The following GCNT4 variants were observed in gnomAD, a reference collection of about 807,000 sequenced individuals.
GCNT4 encodes beta-1,3-galactosyl-O-glycosyl-glycoprotein beta-1,6-N-acetylglucosaminyltransferase 4.
GCNT4 carries 17 observed loss-of-function variants against 31.3 expected under a neutral mutation model. The observed-to-expected ratio is 0.54, with a 90% CI of 0.37 to 0.81. The LOEUF is 0.81. Ranked by LOEUF, GCNT4 falls within the 40% of genes least tolerant of loss-of-function variation. The pLI is 0.00. For missense variants in GCNT4, 503 were observed against 525.5 expected, an observed-to-expected ratio of 0.96 and a Z score of 0.42; for synonymous variants, 158 against 190.6, an observed-to-expected ratio of 0.83 and a Z score of 1.41.
At chr5:75,042,802 A>T (rs1225907104) in intron 3 of GCNT4, among the ~76,000 whole-genome samples, 4 of 152,220 alleles carry the variant, frequency 2.6e-5, no homozygotes, top group Non-Finnish European at 5.9e-5. Flanking sequence ...AGCTCTTGGC[A>T]TGACTTCACC....
chr5:75,025,591 A>C lies in GCNT4; in HGVS notation c.*3085T>G, dbSNP rs887939704. ...TTTATAATAACATACATATGAATAC[A>C]TTCACTTACACTCACAAAGTGGATT... is the stretch of plus-strand genomic sequence containing the variant. On this transcript the variant is annotated 3_prime_UTR_variant, in exon 4 of 4. Transcript: ENST00000652361. The C allele has an allele frequency of 2.0e-5, 3 of 152,234 alleles. No homozygotes were observed. The highest frequency in any genetic ancestry group is 7.2e-5 in the African/African-American group (3 of 41,452). The allele number at this position is 152,234 out of a possible 1,614,324, so 9.4% of individuals were successfully genotyped here.
At chr5:75,019,711 AT>A in the GCNT4 span, among the ~76,000 whole-genome samples, 1 of 152,334 alleles carries the variant, frequency 6.6e-6, no homozygotes, top group African/African-American at 2.4e-5. Flanking sequence ...TATATAACAT[AT>A]TAATGCAATA....
Position 75,043,593 on chromosome 5 carries a change from AT to A in GCNT4, c.-2+4303del, listed in dbSNP as rs768746677. Among the ~76,000 whole-genome samples, 10 of 152,108 alleles carry A rather than the reference AT, an allele frequency of 6.6e-5. No homozygotes were observed. The South Asian group carries it at 8.3e-4, about 13-fold the overall frequency. On this transcript the variant is annotated intron_variant, in intron 3 of 3. Coordinates refer to ENST00000652361, the MANE Select transcript of GCNT4 (RefSeq NM_001366737.1). ...CTGGAACTCCAATATGATGGCTAGA[AT>A]TGTTGCACCCACCTTGAGACCATGA... is the stretch of plus-strand genomic sequence containing the variant.
intron 3 of GCNT4, among the ~76,000 whole-genome samples, chr5:75,038,882 T>G (rs1422414074): frequency 6.6e-6 from 1 of 152,196 alleles, no homozygotes; most frequent in Non-Finnish European, 1.5e-5. Context: ...AGAGGAGGGA[T>G]GCCCAACTGC....
the GCNT4 span, among the ~76,000 whole-genome samples, chr5:75,017,017 ATC>A: frequency 3.8e-4 from 58 of 152,340 alleles, no homozygotes; most frequent in Admixed American, 1.4e-3. Context: ...GTAACAATTA[ATC>A]TCTGACATAG....
chr5:75,040,896 C>G (rs1045750441), intron 3 of GCNT4, among the ~76,000 whole-genome samples: 1 of 152,106 alleles, frequency 6.6e-6, no homozygotes, highest in African/African-American at 2.4e-5. Context: ...TAGACAAACA[C>G]CTGTCTTGGA....
rs1468003007 is a variant in GCNT4, at chr5:75,026,396, T to C, written c.*2280A>G. 2 of 152,126 alleles carry C rather than the reference T, an allele frequency of 1.3e-5. No homozygotes were observed. Among genetic ancestry groups the C allele is most frequent in the African/African-American group, 2.4e-5 (1 of 41,414 alleles). The allele number at this position is 152,126 out of a possible 1,614,324, so 9.4% of individuals were successfully genotyped here. On this transcript the variant is annotated 3_prime_UTR_variant, in exon 4 of 4. Transcript: ENST00000652361. The stretch of plus-strand genomic sequence containing the variant: ...GTCACTGTACCAACCTGTAACCCTA[T>C]TGGCTTAGAAAGAAACCCCAAATGG...
At position 75,026,561 on chromosome 5, in the gene GCNT4, C is replaced by T. The variant is rs755261445; in HGVS notation, c.*2115G>A. 2.5e-4 allele frequency: 37 copies of T among 145,932 alleles called. No homozygotes were observed. The highest frequency in any genetic ancestry group is 4.8e-4 in the Non-Finnish European group (32 of 67,340). The allele number at this position is 145,932 out of a possible 1,614,324, so 9.0% of individuals were successfully genotyped here. A position where few individuals can be genotyped will look rare whatever the true frequency, so the allele number is the denominator to read the frequency against. ...TGGGGTTGGACCTTTGCCTATACTA[C>T]TACAGGTATCACTCTCTGACATTGA... On this transcript the variant is annotated 3_prime_UTR_variant, in exon 4 of 4. Coordinates refer to ENST00000652361, the MANE Select transcript of GCNT4 (RefSeq NM_001366737.1).
downstream of GCNT4, among the ~76,000 whole-genome samples, chr5:75,020,943 CTGTT>C (rs1045358022): frequency 5.3e-5 from 8 of 151,350 alleles, no homozygotes; most frequent in East Asian, 1.9e-4. Flanking sequence ...TTCTCTCTCT[CTGTT>C]TGTGTTTGCT....
chr5:75,029,145 A>G lies in GCNT4; in HGVS notation c.893T>C (p.Ile298Thr), dbSNP rs765106056. Reference sequence around the variant, plus strand: ...AACAAAATAAGCACTGCCAACAAATATCTGAATGTTATGGGGGGGTGCTTC... The same window carrying G: ...AACAAAATAAGCACTGCCAACAAATGTCTGAATGTTATGGGGGGGTGCTTC... Reference protein sequence around the residue: ...SKEAPPHNIQIFVGSAYFVLS... With the variant: ...SKEAPPHNIQTFVGSAYFVLS... The change falls in exon 4 of 4, where the codon ATA becomes ACA. Residue 298 changes from isoleucine to threonine, a missense_variant. Ile to Thr is a moderately conservative substitution (Grantham distance 89). Coordinates refer to ENST00000652361, the MANE Select transcript of GCNT4 (RefSeq NM_001366737.1). 18 of 1,614,012 alleles carry G rather than the reference A, an allele frequency of 1.1e-5. No individual in the cohort carries two copies. The highest frequency in any genetic ancestry group is 1.4e-5 in the Non-Finnish European group (17 of 1,180,012).
intron 3 of GCNT4, among the ~76,000 whole-genome samples, chr5:75,041,675 G>A (rs1251799703): frequency 6.6e-6 from 1 of 152,136 alleles, no homozygotes; most frequent in Non-Finnish European, 1.5e-5. Flanking sequence ...AATCTGGGCT[G>A]TAGCAATGTA....
At chr5:75,041,567 A>G (rs182078061) in intron 3 of GCNT4, among the ~76,000 whole-genome samples, 2 of 152,324 alleles carry the variant, frequency 1.3e-5, no homozygotes, top group East Asian at 1.9e-4. Flanking sequence ...AGCCTCTCAC[A>G]TTTGGGCAGA....
intron 3 of GCNT4, among the ~76,000 whole-genome samples, chr5:75,040,183 C>CTT (rs200239392): frequency 5.6e-5 from 8 of 141,698 alleles, no homozygotes; most frequent in Non-Finnish European, 9.3e-5. Context: ...TCTCTGATAA[C>CTT]TTTTTTTTTT....
At chr5:75,054,040 C>T (rs117809190), upstream of GCNT4, among the ~76,000 whole-genome samples, 200 of 148,892 alleles carry the variant, frequency 1.3e-3, 3 homozygotes, top group East Asian at 0.033. Flanking sequence ...GCAGCTCGCT[C>T]TCATGGGTGA....
Position 75,028,569 on chromosome 5 carries a change from A to T in GCNT4, c.*107T>A. ...GTGTATGGAATTTTGGACACCTTTT[A>T]AAATATGGGAGGACTGAGTTTAAAC... On this transcript the variant is annotated 3_prime_UTR_variant, in exon 4 of 4. Coordinates refer to ENST00000652361, the MANE Select transcript of GCNT4 (RefSeq NM_001366737.1). 1 of 1,101,462 alleles carries T rather than the reference A, an allele frequency of 9.1e-7. No individual in the cohort carries two copies. Among genetic ancestry groups the T allele is most frequent in the Non-Finnish European group, 1.3e-6 (1 of 779,712 alleles). The allele number at this position is 1,101,462 out of a possible 1,614,324, so 68.2% of individuals were successfully genotyped here. A position where few individuals can be genotyped will look rare whatever the true frequency, so the allele number is the denominator to read the frequency against.
At chr5:75,048,613 C>A (rs576332982) in intron 2 of GCNT4, among the ~76,000 whole-genome samples, 1 of 152,288 alleles carries the variant, frequency 6.6e-6, no homozygotes, top group South Asian at 2.1e-4. Context: ...CTGCAGAATG[C>A]GAAAGCTGAA....
At chr5:75,041,556 G>C (rs1242585302) in intron 3 of GCNT4, among the ~76,000 whole-genome samples, 1 of 152,082 alleles carries the variant, frequency 6.6e-6, no homozygotes, top group Admixed American at 6.5e-5. Flanking sequence ...AACTTTACTG[G>C]AGCCTCTCAC....
the GCNT4 span, among the ~76,000 whole-genome samples, chr5:75,019,169 A>G: frequency 6.6e-6 from 1 of 152,180 alleles, no homozygotes; most frequent in African/African-American, 2.4e-5. Context: ...GCTCCCATAA[A>G]TGGGATTAGT....
chr5:75,046,927 C>T (rs185812978), intron 3 of GCNT4, among the ~76,000 whole-genome samples: 45 of 152,326 alleles, frequency 3.0e-4, no homozygotes, highest in Admixed American at 1.5e-3. Context: ...AGAAAGTTGA[C>T]GGACAGTCTA....
Sources: allele counts gnomAD v4.1 joint callset (sites outside exome capture counted in the v4.1 genomes callset), GRCh38; gene constraint gnomAD v4.1.1; transcripts MANE v1.5; gene names NCBI Gene and HGNC (gene_info 2026-07-23, HGNC 2026-07-21).